The following NEK1 variants were observed in gnomAD, a reference collection of about 807,000 sequenced individuals.
NEK1 encodes NIMA related kinase 1.
In NEK1, 137 loss-of-function variants were observed where a neutral mutation model predicts 182.1. That is an observed-to-expected ratio of 0.75 (90% CI 0.65 to 0.87). The LOEUF is 0.87. NEK1 is among the 40% of genes least tolerant of loss of function. NEK1 has a pLI of 0.00. For synonymous variants in NEK1, 513 were observed against 492.2 expected, an observed-to-expected ratio of 1.04 and a Z score of -0.56; for missense variants, 1,391 against 1,494.4, an observed-to-expected ratio of 0.93 and a Z score of 1.14.
rs150589396 is a variant in NEK1, at chr4:169,608,825, G to A, written c.-49+3195C>T. Among the ~76,000 whole-genome samples the A allele has an allele frequency of 4.5e-3, 684 of 152,170 alleles. 5 individuals are homozygous for A. Among genetic ancestry groups the A allele is most frequent in the African/African-American group, 0.015 (634 of 41,512 alleles). ...TGTAATCCCAGCACTTTGGGAGGCC[G>A]AGGCAGGCGGATCACTTGAGGTCAG... On this transcript the variant is annotated intron_variant, in intron 2 of 35. Coordinates refer to ENST00000507142, the MANE Select transcript of NEK1 (RefSeq NM_001199397.3).
chr4:169,451,081 GCTAA>G (rs1741650246), intron 27 of NEK1, among the ~76,000 whole-genome samples: 1 of 152,118 alleles, frequency 6.6e-6, no homozygotes, highest in African/African-American at 2.4e-5. Flanking sequence ...AACAAGAAGA[GCTAA>G]CTATCTTAAA....
chr4:169,451,853 T>C (rs554838929), intron 27 of NEK1, among the ~76,000 whole-genome samples: 1 of 152,308 alleles, frequency 6.6e-6, no homozygotes, highest in Admixed American at 6.5e-5. Context: ...GAGATGGTTT[T>C]TTGAAAAGAT....
intron 5 of NEK1, among the ~76,000 whole-genome samples, chr4:169,598,488 G>A (rs555182042): frequency 1.3e-4 from 20 of 152,186 alleles, no homozygotes; most frequent in African/African-American, 4.6e-4. Flanking sequence ...AAAGTTTGGG[G>A]AAAAGGCTTA....
Position 169,490,533 on chromosome 4 carries a change from C to T in NEK1, c.2008-10999G>A, listed in dbSNP as rs186136271. ...TAGAGAAATCAAAGTAATGATCTTA[C>T]GGAAACTCAGGGATATACAAGAGGA... On this transcript the variant is annotated intron_variant, in intron 23 of 35. Transcript: ENST00000507142. 1.8e-4 allele frequency among the ~76,000 whole-genome samples: 27 copies of T among 152,026 alleles called. No homozygotes were observed. In the East Asian group the frequency reaches 4.6e-3, roughly 26 times the overall value.
intron 32 of NEK1, among the ~76,000 whole-genome samples, chr4:169,405,737 G>T (rs1732478647): frequency 6.6e-6 from 1 of 151,850 alleles, no homozygotes; most frequent in Non-Finnish European, 1.5e-5. Context: ...GGGCTCAAAT[G>T]ATTTTTCCAC....
Position 169,588,818 on chromosome 4 carries a change from G to T in NEK1, c.465-83C>A. Reference sequence around the variant, plus strand: ...TGTTGTTTTTGGTCTACAGCAGATCGCATATATGATGCTGGTCCCATAAGA... The same window carrying T: ...TGTTGTTTTTGGTCTACAGCAGATCTCATATATGATGCTGGTCCCATAAGA... On this transcript the variant is annotated intron_variant, in intron 7 of 35. Coordinates refer to ENST00000507142, the MANE Select transcript of NEK1 (RefSeq NM_001199397.3). 4.9e-6 allele frequency: 4 copies of T among 823,368 alleles called. No homozygotes were observed. In the South Asian group the frequency reaches 6.1e-5, roughly 13 times the overall value. The allele number at this position is 823,368 out of a possible 1,614,324, so 51.0% of individuals were successfully genotyped here.
chr4:169,477,076 A>T, intron 26 of NEK1, 48 bp downstream of exon 26: 1 of 1,276,182 alleles, frequency 7.8e-7, no homozygotes, highest in Non-Finnish European at 1.1e-6. Context: ...CTATAAGTTT[A>T]CATATGTACT....
intron 12 of NEK1, 36 bp downstream of exon 12, chr4:169,576,891 AT>A (rs1240174368): frequency 6.5e-7 from 1 of 1,542,454 alleles, no homozygotes; most frequent in Non-Finnish European, 8.8e-7. Flanking sequence ...GTTGAATTGA[AT>A]TTGTTATTAA....
chr4:169,408,152 G>C (rs1290740740), intron 31 of NEK1, among the ~76,000 whole-genome samples: 2 of 152,012 alleles, frequency 1.3e-5, no homozygotes, highest in South Asian at 2.1e-4. Flanking sequence ...ATTAAATTTG[G>C]GGTTACTACA....
At chr4:169,522,958 G>A (rs1756331330) in intron 19 of NEK1, among the ~76,000 whole-genome samples, 1 of 152,168 alleles carries the variant, frequency 6.6e-6, no homozygotes, top group Non-Finnish European at 1.5e-5. Flanking sequence ...AAAACCCAGA[G>A]AACCCTGGTG....
intron 23 of NEK1, among the ~76,000 whole-genome samples, chr4:169,486,928 T>C (rs552688605): frequency 1.6e-4 from 24 of 152,290 alleles, no homozygotes; most frequent in African/African-American, 4.8e-4. Context: ...TTTAAAAAAC[T>C]GAATCGATCT....
intron 12 of NEK1, among the ~76,000 whole-genome samples, chr4:169,567,332 A>G (rs1192170995): frequency 6.6e-6 from 1 of 152,016 alleles, no homozygotes; most frequent in Non-Finnish European, 1.5e-5. Flanking sequence ...ACCATTTTTA[A>G]GTGTGCAGTT....
At chr4:169,473,778 G>A (rs1746462564) in intron 26 of NEK1, among the ~76,000 whole-genome samples, 1 of 152,140 alleles carries the variant, frequency 6.6e-6, no homozygotes, top group African/African-American at 2.4e-5. Context: ...GGAGAAAAGT[G>A]AAGAAAGTGC....
chr4:169,395,631 T>C (rs575093893), intron 35 of NEK1, among the ~76,000 whole-genome samples: 90 of 152,334 alleles, frequency 5.9e-4, no homozygotes, highest in Middle Eastern at 3.4e-3. Flanking sequence ...TTTACTTACT[T>C]TTCAAATAAT....
At chr4:169,605,124 A>G (rs1298083244) in intron 2 of NEK1, among the ~76,000 whole-genome samples, 1 of 152,224 alleles carries the variant, frequency 6.6e-6, no homozygotes, top group African/African-American at 2.4e-5. Flanking sequence ...CTTCACAATC[A>G]TCATTATTCT....
At chr4:169,471,378 C>T (rs368786593) in intron 26 of NEK1, among the ~76,000 whole-genome samples, 4 of 152,276 alleles carry the variant, frequency 2.6e-5, no homozygotes, top group East Asian at 3.9e-4. Context: ...AACAGTCAGG[C>T]CCCTCTTCTG....
chr4:169,450,660 C>G (rs1294653123), intron 27 of NEK1, among the ~76,000 whole-genome samples: 1 of 151,910 alleles, frequency 6.6e-6, no homozygotes, highest in Non-Finnish European at 1.5e-5. Flanking sequence ...GAAGGAAGCA[C>G]TAAACATGGA....
intron 23 of NEK1, among the ~76,000 whole-genome samples, chr4:169,495,277 T>C (rs1311294999): frequency 7.2e-6 from 1 of 138,184 alleles, no homozygotes; most frequent in African/African-American, 2.6e-5. Flanking sequence ...GGAGTTTCGC[T>C]CTGTCGCCCA....
chr4:169,458,827 CAAAAA>C (rs201340623), intron 27 of NEK1, among the ~76,000 whole-genome samples: 1 of 90,380 alleles, frequency 1.1e-5, no homozygotes, highest in Admixed American at 1.3e-4. Context: ...GACCCCATCT[CAAAAA>C]AAAAAAAAAA....
Sources: gnomAD v4.1 joint callset for allele counts (sites outside exome capture counted in the v4.1 genomes callset) on GRCh38, gnomAD v4.1.1 for gene constraint, MANE v1.5 for transcripts, NCBI Gene and HGNC (gene_info 2026-07-23, HGNC 2026-07-21) for gene names.